The following STPG2 variants were observed in gnomAD, a reference collection of about 807,000 sequenced individuals.
STPG2 encodes sperm tail PG-rich repeat containing 2, also known as sperm-tail PG-rich repeat-containing protein 2.
A neutral mutation model predicts 54.2 loss-of-function variants in STPG2; 56 were observed. The ratio of observed to expected loss-of-function variants is 1.03; its 90% CI spans 0.83 to 1.29. STPG2 has a LOEUF of 1.29. Among genes scored for constraint, STPG2 ranks in the 50% most tolerant of loss-of-function variants. The pLI, the probability that STPG2 is intolerant of heterozygous loss-of-function variation, is 0.00. For missense variants in STPG2, 596 were observed against 544.9 expected, an observed-to-expected ratio of 1.09 and a Z score of -0.93; for synonymous variants, 200 against 181.8, an observed-to-expected ratio of 1.10 and a Z score of -0.81.
chr4:97,513,656 C>T (rs1173341958), intron 4 of STPG2, among the ~76,000 whole-genome samples: 1 of 152,088 alleles, frequency 6.6e-6, no homozygotes, highest in African/African-American at 2.4e-5. Flanking sequence ...TAGATCATAT[C>T]TCAAAGCCTT....
intron 5 of STPG2, among the ~76,000 whole-genome samples, chr4:97,983,843 ACT>A: frequency 6.6e-6 from 1 of 152,210 alleles, no homozygotes; most frequent in South Asian, 2.1e-4. Context: ...ACATATATAC[ACT>A]CATACATAGA....
chr4:97,621,270 A>T (rs1440673004), intron 10 of STPG2, among the ~76,000 whole-genome samples: 2 of 152,210 alleles, frequency 1.3e-5, no homozygotes, highest in African/African-American at 2.4e-5. Flanking sequence ...AAACTAGCAG[A>T]GGACAAGAAA....
At chr4:97,673,109 C>T (rs1388769317) in intron 10 of STPG2, among the ~76,000 whole-genome samples, 1 of 152,090 alleles carries the variant, frequency 6.6e-6, no homozygotes, top group Admixed American at 6.5e-5. Context: ...GGGAGAAAAC[C>T]CTGATGCAAA....
intron 8 of STPG2, among the ~76,000 whole-genome samples, chr4:97,924,762 T>C (rs954080170): frequency 3.3e-5 from 5 of 152,194 alleles, no homozygotes; most frequent in Non-Finnish European, 7.4e-5. Context: ...TTATAACATA[T>C]GTAGAGGTAG....
chr4:98,143,389 A>T lies in STPG2; in HGVS notation c.-239T>A. The T allele has an allele frequency of 2.0e-6, 1 of 496,154 alleles. No homozygotes were observed. The highest frequency in any genetic ancestry group is 3.6e-6 in the Non-Finnish European group (1 of 274,796). The allele number at this position is 496,154 out of a possible 1,614,324, so 30.7% of individuals were successfully genotyped here. A position where few individuals can be genotyped will look rare whatever the true frequency, so the allele number is the denominator to read the frequency against. ...AGAGGGGTGAGCGACTAGAGATTAG[A>T]CGTCCCACACAATCATCAGTTTGCC... On this transcript the variant is annotated 5_prime_UTR_variant, in exon 1 of 11. Transcript: ENST00000295268.
chr4:97,630,889 A>T (rs1721254061), intron 10 of STPG2, among the ~76,000 whole-genome samples: 1 of 151,932 alleles, frequency 6.6e-6, no homozygotes, highest in Non-Finnish European at 1.5e-5. Context: ...CATGATTCAT[A>T]TGAAAAATAA....
intron 4 of STPG2, among the ~76,000 whole-genome samples, chr4:97,501,651 G>A (rs557965379): frequency 7.3e-5 from 11 of 151,686 alleles, no homozygotes; most frequent in African/African-American, 2.4e-4. Context: ...GTTCGAGATC[G>A]TGCCACTCCA....
chr4:98,096,283 G>C (rs763672942), intron 5 of STPG2, among the ~76,000 whole-genome samples: 6 of 152,052 alleles, frequency 3.9e-5, no homozygotes, highest in Non-Finnish European at 8.8e-5. Flanking sequence ...TGTAGTCCCA[G>C]CTACTCAGGA....
chr4:98,019,837 AG>A (rs1469835233), intron 5 of STPG2, among the ~76,000 whole-genome samples: 1 of 117,874 alleles, frequency 8.5e-6, no homozygotes, highest in African/African-American at 3.4e-5. Flanking sequence ...TTGGTGTATA[AG>A]AATGTTTGTG....
intron 4 of STPG2, among the ~76,000 whole-genome samples, chr4:97,525,393 T>C (rs559928466): frequency 6.6e-6 from 1 of 151,898 alleles, no homozygotes; most frequent in South Asian, 2.1e-4. Context: ...GTTGAACAAC[T>C]AGGATATTTG....
rs190348400 is a variant in STPG2, at chr4:98,140,550, A to G, written c.109+2492T>C. ...CTAATCAAACAGGCACTGAGAAGAT[A>G]GAATCATTAGGTGTTAATGATCAAC... On this transcript the variant is annotated intron_variant, in intron 1 of 10. Transcript: ENST00000295268. Among the ~76,000 whole-genome samples the G allele has an allele frequency of 4.2e-3, 644 of 152,318 alleles. 3 individuals are homozygous for G. The highest frequency in any genetic ancestry group is 0.025 in the South Asian group (121 of 4,832).
intron 4 of STPG2, among the ~76,000 whole-genome samples, chr4:97,552,364 T>C (rs1578382529): frequency 6.6e-6 from 1 of 152,216 alleles, no homozygotes; most frequent in African/African-American, 2.4e-5. Context: ...AAATAAAAAA[T>C]TATATTAGCA....
intron 10 of STPG2, among the ~76,000 whole-genome samples, chr4:97,702,080 G>T (rs907712841): frequency 6.6e-6 from 1 of 152,156 alleles, no homozygotes; most frequent in African/African-American, 2.4e-5. Context: ...TAGGTCTAAA[G>T]ACTAATCCAT....
chr4:97,472,706 G>T (rs1729967002), intron 4 of STPG2, among the ~76,000 whole-genome samples: 1 of 152,060 alleles, frequency 6.6e-6, no homozygotes, highest in Non-Finnish European at 1.5e-5. Flanking sequence ...AGACAAGGAG[G>T]AGCCCTAAAT....
At chr4:98,114,262 A>C (rs1398011280) in intron 3 of STPG2, among the ~76,000 whole-genome samples, 1 of 152,102 alleles carries the variant, frequency 6.6e-6, no homozygotes, top group Non-Finnish European at 1.5e-5. Context: ...TTTCCCATTT[A>C]TGTTAGAGTT....
intron 4 of STPG2, among the ~76,000 whole-genome samples, chr4:97,471,586 C>A (rs1344876814): frequency 1.3e-5 from 2 of 152,028 alleles, no homozygotes; most frequent in African/African-American, 4.8e-5. Flanking sequence ...GAGAAGGTGC[C>A]TGAGGGACCA....
chr4:97,807,206 G>T (rs1036039823), intron 9 of STPG2, among the ~76,000 whole-genome samples: 2 of 150,806 alleles, frequency 1.3e-5, no homozygotes, highest in African/African-American at 2.4e-5. Context: ...CACCAATTTT[G>T]CTTTCATTCT....
At chr4:98,087,654 G>A (rs1207009413) in intron 5 of STPG2, among the ~76,000 whole-genome samples, 3 of 148,942 alleles carry the variant, frequency 2.0e-5, no homozygotes, top group African/African-American at 7.5e-5. Flanking sequence ...TCCGCCTCCC[G>A]GGTTCACGCC....
intron 9 of STPG2, among the ~76,000 whole-genome samples, chr4:97,809,546 C>A (rs1189393225): frequency 6.6e-6 from 1 of 152,152 alleles, no homozygotes; most frequent in Non-Finnish European, 1.5e-5. Context: ...GAATTTGAAG[C>A]ATGAGAACGA....
Sources: gnomAD v4.1 joint callset for allele counts (sites outside exome capture counted in the v4.1 genomes callset) on GRCh38, gnomAD v4.1.1 for gene constraint, MANE v1.5 for transcripts, NCBI Gene and HGNC (gene_info 2026-07-23, HGNC 2026-07-21) for gene names.